HMG20A: variants seen among roughly 807,000 people sequenced by gnomAD.
HMG20A encodes high mobility group protein 20A.
In HMG20A, 17 loss-of-function variants were observed where a neutral mutation model predicts 43.9. That is an observed-to-expected ratio of 0.39 (90% CI 0.27 to 0.58). The LOEUF (loss-of-function observed/expected upper bound fraction) is 0.58. HMG20A is among the 20% of genes least tolerant of loss of function. HMG20A has a pLI of 0.59. For synonymous variants in HMG20A, 132 were observed against 147.5 expected (o/e 0.89, Z 0.76); for missense variants, 341 against 438.2 (o/e 0.78, Z 1.98).
chr15:77,480,611 CA>C (rs1261742792), intron 9 of HMG20A, among the ~76,000 whole-genome samples: 71 of 69,492 alleles, frequency 1.0e-3, no homozygotes, highest in East Asian at 5.5e-3. Flanking sequence ...GATTCTGTCT[CA>C]AAAAAAAAAA....
the HMG20A span, among the ~76,000 whole-genome samples, chr15:77,514,194 G>A: frequency 6.6e-6 from 1 of 152,178 alleles, no homozygotes; most frequent in Non-Finnish European, 1.5e-5. Context: ...AAACAGTGGT[G>A]TATCTATACA....
At chr15:77,515,938 G>T in the HMG20A span, among the ~76,000 whole-genome samples, 1 of 152,248 alleles carries the variant, frequency 6.6e-6, no homozygotes, top group East Asian at 1.9e-4. Flanking sequence ...AGCCTGCAAG[G>T]GTCCCATGAC....
intron 4 of HMG20A, among the ~76,000 whole-genome samples, chr15:77,469,913 C>T (rs566884178): frequency 7.5e-4 from 114 of 152,232 alleles, no homozygotes; most frequent in Non-Finnish European, 1.2e-3. Context: ...AGTGATCCAC[C>T]CACCTCGGTC....
At chr15:77,450,857 T>C (rs1026620780) in intron 1 of HMG20A, among the ~76,000 whole-genome samples, 18 of 152,202 alleles carry the variant, frequency 1.2e-4, no homozygotes, top group African/African-American at 4.1e-4. Flanking sequence ...TTGCCAGCAT[T>C]TGGTGGTATC....
Position 77,467,170 on chromosome 15 carries a change from T to TC in HMG20A, c.319dup (p.Leu107ProfsTer10). On this transcript the variant is annotated frameshift_variant, in exon 4 of 10. Transcript: ENST00000336216. LOFTEE classifies it high-confidence loss of function. ...TCTTCGAGACAGCAATGCACCCAAA[T>TC]CCCCCCTTACAGGATATGTTCGGTT... 6.2e-7 allele frequency: 1 copy of TC among 1,613,780 alleles called. No homozygotes were observed. The highest frequency in any genetic ancestry group is 8.5e-7 in the Non-Finnish European group (1 of 1,179,954).
chr15:77,464,929 A>G (rs887084424), intron 3 of HMG20A: 9 of 152,044 alleles, frequency 5.9e-5, no homozygotes, highest in African/African-American at 2.2e-4. Flanking sequence ...TTAAGCCAAT[A>G]AAGAGTGCCA....
At chr15:77,477,979 C>A in intron 7 of HMG20A, 1 of 485,050 alleles carries the variant, frequency 2.1e-6, no homozygotes, top group Non-Finnish European at 3.7e-6. Flanking sequence ...CCCAGGATCC[C>A]CCTGCAAAAC....
intron 4 of HMG20A, among the ~76,000 whole-genome samples, chr15:77,470,641 A>G (rs368233225): frequency 6.6e-6 from 1 of 152,338 alleles, no homozygotes; most frequent in African/African-American, 2.4e-5. Context: ...ATTTTTTATA[A>G]GAATGATCTC....
intron 1 of HMG20A, among the ~76,000 whole-genome samples, chr15:77,436,528 G>A (rs115772703): frequency 0.023 from 3,477 of 151,356 alleles, 113 homozygotes; most frequent in African/African-American, 0.074. Flanking sequence ...GCATGTTCTC[G>A]GCTCATTGAA....
At chr15:77,474,297 T>C (rs1403020265) in intron 6 of HMG20A, among the ~76,000 whole-genome samples, 1 of 152,204 alleles carries the variant, frequency 6.6e-6, no homozygotes, top group African/African-American at 2.4e-5. Context: ...TACATACTTA[T>C]TTCCCTTTAC....
chr15:77,423,535 A>T (rs1005564407), intron 1 of HMG20A, among the ~76,000 whole-genome samples: 1 of 152,204 alleles, frequency 6.6e-6, no homozygotes. Context: ...GTAACAAAGA[A>T]AGTGTCAAAT....
chr15:77,452,120 TTGAA>T lies in HMG20A; in HGVS notation c.-4-6280_-4-6277del, dbSNP rs1464445850. Reference sequence around the variant, plus strand: ...TGCTTGAGCAATAAATAAATACTAATTGAATGAGGAGCCTCCTTCAGTTGAGGGG... The same window carrying T: ...TGCTTGAGCAATAAATAAATACTAATTGAGGAGCCTCCTTCAGTTGAGGGG... On this transcript the variant is annotated intron_variant, in intron 1 of 9. Transcript: ENST00000336216. Among the ~76,000 whole-genome samples, 9 of 152,348 alleles carry T rather than the reference TTGAA, an allele frequency of 5.9e-5. No individual in the cohort carries two copies. In the East Asian group the frequency reaches 1.7e-3, roughly 29 times the overall value.
intron 7 of HMG20A, among the ~76,000 whole-genome samples, chr15:77,477,938 A>T (rs2072870984): frequency 6.6e-6 from 1 of 152,216 alleles, no homozygotes; most frequent in Non-Finnish European, 1.5e-5. Flanking sequence ...TGTGGTAAAG[A>T]TGGGTACCTA....
intron 1 of HMG20A, chr15:77,447,757 A>G (rs2073690702): frequency 6.6e-6 from 1 of 152,226 alleles, no homozygotes; most frequent in South Asian, 2.1e-4. Context: ...AAAATTCTAT[A>G]AAGCAAAGCT....
chr15:77,501,329 C>G, the HMG20A span, among the ~76,000 whole-genome samples: 20 of 152,330 alleles, frequency 1.3e-4, no homozygotes, highest in African/African-American at 4.8e-4. Flanking sequence ...CTCCTGGCAA[C>G]TTCTTGAGAG....
chr15:77,489,267 A>T (rs2072960303), downstream of HMG20A, among the ~76,000 whole-genome samples: 2 of 152,356 alleles, frequency 1.3e-5, no homozygotes, highest in Non-Finnish European at 2.9e-5. Context: ...CCACAACTTT[A>T]CAGAGTAGGA....
chr15:77,503,078 T>C, the HMG20A span, among the ~76,000 whole-genome samples: 1 of 152,250 alleles, frequency 6.6e-6, no homozygotes, highest in African/African-American at 2.4e-5. Context: ...AGCCATCTAC[T>C]TATTTGCTTA....
intron 1 of HMG20A, among the ~76,000 whole-genome samples, chr15:77,434,639 T>G (rs1360238172): frequency 6.6e-6 from 1 of 152,170 alleles, no homozygotes; most frequent in African/African-American, 2.4e-5. Flanking sequence ...TTACATTAAA[T>G]AAGTGCAAAT....
intron 1 of HMG20A, among the ~76,000 whole-genome samples, chr15:77,433,231 C>T (rs2073507473): frequency 6.6e-6 from 1 of 150,954 alleles, no homozygotes; most frequent in Non-Finnish European, 1.5e-5. Context: ...ACCTATAGTC[C>T]TAGCTACTCG....
Sources: allele counts gnomAD v4.1 joint callset (sites outside exome capture counted in the v4.1 genomes callset), GRCh38; gene constraint gnomAD v4.1.1; transcripts MANE v1.5; gene names NCBI Gene and HGNC (gene_info 2026-07-23, HGNC 2026-07-21).